CRBN: variants seen among roughly 807,000 people sequenced by gnomAD.
CRBN encodes the protein protein cereblon.
CRBN carries 53 observed loss-of-function variants against 62.2 expected under a neutral mutation model. The ratio of observed to expected loss-of-function variants is 0.85; its 90% CI spans 0.68 to 1.07. The LOEUF (loss-of-function observed/expected upper bound fraction) is 1.07. Among genes scored for constraint, CRBN ranks in the 50% least tolerant of loss-of-function variants. CRBN has a pLI of 0.00. For synonymous variants in CRBN, 208 were observed against 176.1 expected (o/e 1.18, Z -1.43); for missense variants, 616 against 531.1 (o/e 1.16, Z -1.57).
chr3:3,178,285 G>A (rs986029227), intron 1 of CRBN, among the ~76,000 whole-genome samples: 1 of 152,172 alleles, frequency 6.6e-6, no homozygotes, highest in Non-Finnish European at 1.5e-5. Flanking sequence ...CAGTGACTAT[G>A]GTTTATTTTT....
At chr3:3,156,451 A>G in intron 5 of CRBN, 170 bp from the exon 6 acceptor site, 1 of 627,128 alleles carries the variant, frequency 1.6e-6, no homozygotes, top group Non-Finnish European at 2.8e-6. Flanking sequence ...GTGTGAAATC[A>G]TGCTTCCTAT....
In CRBN at chr3:3,150,562, A is replaced by AGAT. The variant is rs1553558021; in HGVS notation, c.*300_*302dup. 1 of 234,632 alleles carries AGAT rather than the reference A, an allele frequency of 4.3e-6. No homozygotes were observed. The highest frequency in any genetic ancestry group is 2.3e-5 in the African/African-American group (1 of 43,588). The allele number at this position is 234,632 out of a possible 1,614,324, so 14.5% of individuals were successfully genotyped here. ...CAGGAAATAATCTCATCATTTCCAA[A>AGAT]GATGTCTTCATGTCCCATCAATGAC... is the stretch of plus-strand genomic sequence containing the variant. On this transcript the variant is annotated 3_prime_UTR_variant, in exon 11 of 11. Coordinates refer to ENST00000231948, the MANE Select transcript of CRBN (RefSeq NM_016302.4).
chr3:3,171,673 G>A (rs770506404), intron 4 of CRBN, among the ~76,000 whole-genome samples: 1 of 152,062 alleles, frequency 6.6e-6, no homozygotes, highest in Non-Finnish European at 1.5e-5. Context: ...TACCTGACAT[G>A]TCAATATTTT....
At chr3:3,161,820 A>G (rs17027750) in intron 5 of CRBN, among the ~76,000 whole-genome samples, 31,137 of 152,240 alleles carry the variant, frequency 0.2, 4,121 homozygotes, top group East Asian at 0.72. Context: ...GTACAGATCT[A>G]TCATCAGTAT....
Position 3,174,272 on chromosome 3 carries a change from A to ATGTT in CRBN, c.175-12_175-11insAACA. On this transcript the variant is annotated splice_polypyrimidine_tract_variant and intron_variant, in intron 2 of 10. Transcript: ENST00000231948. ...ATCAGCACCTAGGTACTATATAAAA[A>ATGTT]CATATATAGGTATAGTGTCATGATC... 1 of 1,552,634 alleles carries ATGTT rather than the reference A, an allele frequency of 6.4e-7. No individual in the cohort carries two copies. Among genetic ancestry groups the ATGTT allele is most frequent in the Non-Finnish European group, 8.9e-7 (1 of 1,123,700 alleles).
rs113851974 is a variant in CRBN, at chr3:3,150,854, A to G, written c.*11T>C. The G allele has an allele frequency of 4.6e-5, 74 of 1,607,308 alleles. No individual in the cohort carries two copies. The South Asian group carries it at 7.3e-4, about 16-fold the overall frequency. On this transcript the variant is annotated 3_prime_UTR_variant, in exon 11 of 11. Transcript: ENST00000231948. ...CAATTTGTTAGATAACTTTATCTCT[A>G]TCACATCTGTTTACAAGCAAAGTAT...
At chr3:3,178,010 A>G (rs1707895289) in intron 1 of CRBN, among the ~76,000 whole-genome samples, 1 of 141,494 alleles carries the variant, frequency 7.1e-6, no homozygotes, top group African/African-American at 2.5e-5. Context: ...AAACAAAACA[A>G]AACAAACAAA....
At chr3:3,176,364 T>G (rs1419289304) in intron 1 of CRBN, among the ~76,000 whole-genome samples, 2 of 152,208 alleles carry the variant, frequency 1.3e-5, no homozygotes, top group Non-Finnish European at 2.9e-5. Context: ...TAATTAAAAC[T>G]GAGAGAAAGA....
At chr3:3,149,897 A>G (rs568112829), downstream of CRBN, 1 of 152,190 alleles carries the variant, frequency 6.6e-6, no homozygotes, top group Admixed American at 6.5e-5. Context: ...ACAAATGTGG[A>G]AGGAAGGACC....
intron 4 of CRBN, among the ~76,000 whole-genome samples, chr3:3,170,663 G>A (rs891773614): frequency 6.6e-6 from 1 of 152,178 alleles, no homozygotes; most frequent in Non-Finnish European, 1.5e-5. Flanking sequence ...GAGAAGTAGT[G>A]GAGCCAAGAG....
chr3:3,172,844 C>T lies in CRBN; in HGVS notation c.459G>A (p.Glu153=). The T allele has an allele frequency of 6.2e-7, 1 of 1,613,860 alleles. No homozygotes were observed. The highest frequency in any genetic ancestry group is 1.1e-5 in the South Asian group (1 of 91,074). Reference sequence around the variant, plus strand: ...TTCCAATTGCTTTCACTTTCACTATCTCAATTCCAAAATCCTGTTCTTCTC... The same window carrying T: ...TTCCAATTGCTTTCACTTTCACTATTTCAATTCCAAAATCCTGTTCTTCTC... ...AYREEQDFGI[E]IVKVKAIGRQ... is the part of the protein sequence containing the mutation. The change falls in exon 4 of 11, where the codon GAG becomes GAA. Residue 153 remains glutamate (E), a synonymous_variant. Transcript: ENST00000231948.
In CRBN at chr3:3,150,086, G is replaced by C. The variant is rs1047568248; in HGVS notation, c.*779C>G. On this transcript the variant is annotated 3_prime_UTR_variant, in exon 11 of 11. Coordinates refer to ENST00000231948, the MANE Select transcript of CRBN (RefSeq NM_016302.4). ...ATTGAACAAAATAATACAGTATCAA[G>C]TTTAGTCTGGGTGAGGGGACATGTT... 1.3e-5 allele frequency: 2 copies of C among 152,100 alleles called. No individual in the cohort carries two copies. The highest frequency in any genetic ancestry group is 2.9e-5 in the Non-Finnish European group (2 of 67,996). The allele number at this position is 152,100 out of a possible 1,614,324, so 9.4% of individuals were successfully genotyped here.
intron 5 of CRBN, among the ~76,000 whole-genome samples, chr3:3,159,530 T>C (rs1707050757): frequency 6.6e-6 from 1 of 152,132 alleles, no homozygotes; most frequent in Non-Finnish European, 1.5e-5. Flanking sequence ...ATAAAGAGAA[T>C]AAAATGTGGC....
intron 2 of CRBN, 72 bp from the exon 3 acceptor site, chr3:3,174,333 G>C: frequency 2.5e-6 from 3 of 1,205,166 alleles, no homozygotes; most frequent in Admixed American, 3.6e-5. Flanking sequence ...ACAGACTAAA[G>C]AGCAAATCAC....
chr3:3,169,062 G>T (rs527274696), intron 4 of CRBN, among the ~76,000 whole-genome samples: 12 of 152,092 alleles, frequency 7.9e-5, no homozygotes, highest in Non-Finnish European at 5.9e-5. Context: ...AAGGTTATAG[G>T]TAACTGAATT....
rs369676870 is a variant in CRBN, at chr3:3,152,479, A to T, written c.1125T>A (p.Ser375=). ...ACNLNLIGRP[S]TEHSWFPGYA... ...ACCCAGGAAACCAGCTGTGTTCTGT[A>T]GAAGGCCGGCCTATCAGATTCAAGT... Residue 375 remains serine (S), a synonymous_variant, in exon 10 of 11, where the codon TCT becomes TCA. Coordinates refer to ENST00000231948, the MANE Select transcript of CRBN (RefSeq NM_016302.4). The T allele has an allele frequency of 2.8e-5, 45 of 1,613,920 alleles. No individual in the cohort carries two copies. Among genetic ancestry groups the T allele is most frequent in the Non-Finnish European group, 3.7e-5 (44 of 1,179,992 alleles).
At position 3,152,314 on chromosome 3, in the gene CRBN, G is replaced by C. The variant is rs1056157589; in HGVS notation, c.1148+142C>G. On this transcript the variant is annotated intron_variant, in intron 10 of 10. Coordinates refer to ENST00000231948, the MANE Select transcript of CRBN (RefSeq NM_016302.4). Reference sequence around the variant, plus strand: ...AGTACAGACCCCTGCCCCCATACCCGGCTAATTTTTGTAGCAAATTACTCA... The same window carrying C: ...AGTACAGACCCCTGCCCCCATACCCCGCTAATTTTTGTAGCAAATTACTCA... The C allele has an allele frequency of 3.3e-6, 3 of 904,346 alleles. No individual in the cohort carries two copies. In the South Asian group the frequency reaches 4.8e-5, roughly 15 times the overall value. The allele number at this position is 904,346 out of a possible 1,614,324, so 56.0% of individuals were successfully genotyped here.
chr3:3,160,998 C>T lies in CRBN; in HGVS notation c.688-4717G>A, dbSNP rs143091278. Among the ~76,000 whole-genome samples, 301 of 152,180 alleles carry T rather than the reference C, an allele frequency of 2.0e-3. 5 individuals are homozygous for T. In the East Asian group the frequency reaches 0.028, roughly 14 times the overall value. On this transcript the variant is annotated intron_variant, in intron 5 of 10. Transcript: ENST00000231948. ...ACTGCACAAGGATCAGAGCTTTCCA[C>T]GGAAAAGTAATGAAACCACAGCAAG...
intron 2 of CRBN, 37 bp downstream of exon 2, chr3:3,175,126 A>T (rs373789494): frequency 2.4e-6 from 3 of 1,266,058 alleles, no homozygotes; most frequent in South Asian, 1.2e-5. Flanking sequence ...ATTTAAATGT[A>T]TATCTATTAT....
Sources: allele counts gnomAD v4.1 joint callset (sites outside exome capture counted in the v4.1 genomes callset), GRCh38; gene constraint gnomAD v4.1.1; transcripts MANE v1.5; gene names NCBI Gene and HGNC (gene_info 2026-07-23, HGNC 2026-07-21).